BAZ2B: variants seen among roughly 807,000 people sequenced by gnomAD.
BAZ2B encodes the protein bromodomain adjacent to zinc finger domain 2B.
A neutral mutation model predicts 246.0 loss-of-function variants in BAZ2B; 91 were observed. That is an observed-to-expected ratio of 0.37 (90% CI 0.31 to 0.44). BAZ2B has a LOEUF of 0.44. Ranked by LOEUF, BAZ2B falls within the 20% of genes least tolerant of loss-of-function variation. BAZ2B has a pLI of 1.00. For missense variants in BAZ2B, 2,332 were observed against 2,533.7 expected (o/e 0.92, Z 1.71); for synonymous variants, 855 against 860.0 (o/e 0.99, Z 0.10).
chr2:159,402,724 C>T (rs1291183651), intron 16 of BAZ2B, among the ~76,000 whole-genome samples: 1 of 152,132 alleles, frequency 6.6e-6, no homozygotes, highest in Non-Finnish European at 1.5e-5. Flanking sequence ...GGCTTACGTA[C>T]ACAGTCTAAA....
At chr2:159,382,482 CATCT>C (rs1440693848) in intron 25 of BAZ2B, 73 bp downstream of exon 25, 11 of 1,407,714 alleles carry the variant, frequency 7.8e-6, no homozygotes, top group Middle Eastern at 1.9e-4. Flanking sequence ...AATCCGAATC[CATCT>C]GACTCCAAAT....
intron 1 of BAZ2B, among the ~76,000 whole-genome samples, chr2:159,578,377 C>T (rs958080813): frequency 2.0e-5 from 3 of 152,138 alleles, no homozygotes; most frequent in Non-Finnish European, 4.4e-5. Flanking sequence ...AAATTGTGCA[C>T]ACCCTTTGCC....
At position 159,491,720 on chromosome 2, in the gene BAZ2B, C is replaced by CAAAAAAAAAAAAAAA. The variant is rs773067675; in HGVS notation, c.-2-13014_-2-13000dup. ...CGGGCGACAGAGCGAGACTCCGTCT[C>CAAAAAAAAAAAAAAA]AAAAAAAAAAAAAAAAAAAAAAAAA... On this transcript the variant is annotated intron_variant, in intron 2 of 36. Transcript: ENST00000392783. 7.4e-3 allele frequency among the ~76,000 whole-genome samples: 219 copies of CAAAAAAAAAAAAAAA among 29,548 alleles called. 7 individuals are homozygous for CAAAAAAAAAAAAAAA. The highest frequency in any genetic ancestry group is 8.8e-3 in the Non-Finnish European group (172 of 19,458). The allele number at this position is 29,548 out of a possible 152,430, so 19.4% of individuals were successfully genotyped here.
chr2:159,421,938 C>T lies in BAZ2B; in HGVS notation c.2466+6003G>A, dbSNP rs577986660. Among the ~76,000 whole-genome samples the T allele has an allele frequency of 6.4e-4, 98 of 152,190 alleles. 1 individual carries two copies. The highest frequency in any genetic ancestry group is 1.3e-3 in the Non-Finnish European group (85 of 67,996). ...TACAAAAATCAATAACATTTCTATACGCCAATAGCATCCAAGCTGAGAGCC... is the reference window on the plus strand; with the variant it reads ...TACAAAAATCAATAACATTTCTATATGCCAATAGCATCCAAGCTGAGAGCC... On this transcript the variant is annotated intron_variant, in intron 13 of 36. Coordinates refer to ENST00000392783, the MANE Select transcript of BAZ2B (RefSeq NM_013450.4).
the BAZ2B span, among the ~76,000 whole-genome samples, chr2:159,677,241 TAAGA>T: frequency 1.3e-5 from 2 of 151,816 alleles, no homozygotes; most frequent in East Asian, 1.9e-4. Flanking sequence ...ATTTTAAAGA[TAAGA>T]AAGAGGAAAA....
intron 2 of BAZ2B, among the ~76,000 whole-genome samples, chr2:159,512,531 T>C (rs1274104049): frequency 2.6e-5 from 4 of 152,106 alleles, no homozygotes; most frequent in African/African-American, 9.7e-5. Flanking sequence ...GGAAAAGAAA[T>C]AAAGACGGTC....
At position 159,332,286 on chromosome 2, in the gene BAZ2B, A is replaced by T. The variant is rs183429241; in HGVS notation, c.5943+254T>A. The stretch of plus-strand genomic sequence containing the variant: ...GGAAGATTGCTTGAGGCCAGGGATG[A>T]GACCACTGCAGGCAACATAGCAAGA... On this transcript the variant is annotated intron_variant, in intron 34 of 36. Coordinates refer to ENST00000392783, the MANE Select transcript of BAZ2B (RefSeq NM_013450.4). Among the ~76,000 whole-genome samples, 695 of 151,300 alleles carry T rather than the reference A, an allele frequency of 4.6e-3. 4 individuals are homozygous for T. Among genetic ancestry groups the T allele is most frequent in the African/African-American group, 0.016 (668 of 41,204 alleles).
intron 2 of BAZ2B, among the ~76,000 whole-genome samples, chr2:159,487,634 G>A (rs1241677076): frequency 2.0e-5 from 3 of 152,092 alleles, no homozygotes; most frequent in African/African-American, 4.8e-5. Flanking sequence ...GACCTGTTGA[G>A]TCAATCACCT....
chr2:159,356,441 T>C (rs745724385), intron 27 of BAZ2B, among the ~76,000 whole-genome samples: 21 of 152,214 alleles, frequency 1.4e-4, no homozygotes, highest in South Asian at 4.1e-4. Context: ...CCTCTCTAGA[T>C]TTCTCCTCTC....
intron 3 of BAZ2B, chr2:159,461,149 T>TATGTGGAGATAGGCAGGAAGAC (rs1385761197): frequency 6.6e-6 from 1 of 152,346 alleles, no homozygotes; most frequent in Admixed American, 6.6e-5. Context: ...TTTTTACATG[T>TATGTGGAGATAGGCAGGAAGAC]ATGTGGAGAT....
At chr2:159,522,349 C>G (rs894173507) in intron 2 of BAZ2B, among the ~76,000 whole-genome samples, 8 of 152,142 alleles carry the variant, frequency 5.3e-5, no homozygotes, top group Admixed American at 6.5e-5. Flanking sequence ...ATTAGGTTTT[C>G]AATTCACCTG....
At chr2:159,318,667 A>G (rs1325787921), downstream of BAZ2B, among the ~76,000 whole-genome samples, 2 of 152,198 alleles carry the variant, frequency 1.3e-5, no homozygotes, top group African/African-American at 4.8e-5. Context: ...CTTCTTGACA[A>G]CTGAGTTATT....
intron 2 of BAZ2B, among the ~76,000 whole-genome samples, chr2:159,502,467 G>GAA (rs34450681): frequency 5.0e-4 from 69 of 137,686 alleles, no homozygotes; most frequent in Non-Finnish European, 9.0e-4. Flanking sequence ...TCTCAAAAAG[G>GAA]AAAAAAAAAA....
chr2:159,460,442 C>T (rs898579337), intron 3 of BAZ2B: 6 of 152,038 alleles, frequency 3.9e-5, no homozygotes, highest in African/African-American at 9.7e-5. Context: ...CATAACTTCA[C>T]GTTTTTCTGT....
chr2:159,589,274 A>G (rs568701319), intron 1 of BAZ2B, among the ~76,000 whole-genome samples: 1 of 152,292 alleles, frequency 6.6e-6, no homozygotes, highest in Non-Finnish European at 1.5e-5. Context: ...GCTCAGAATC[A>G]TAATTTATGG....
intron 1 of BAZ2B, among the ~76,000 whole-genome samples, chr2:159,603,243 AAAT>A (rs1275515037): frequency 6.6e-6 from 1 of 152,286 alleles, no homozygotes; most frequent in East Asian, 1.9e-4. Context: ...GATATAATCC[AAAT>A]AATTAAGAGC....
intron 3 of BAZ2B, among the ~76,000 whole-genome samples, chr2:159,468,119 G>A (rs1485638447): frequency 6.6e-6 from 1 of 152,158 alleles, no homozygotes; most frequent in African/African-American, 2.4e-5. Context: ...CAAACTAGCT[G>A]GCAGAGAATG....
chr2:159,667,594 T>C, the BAZ2B span, among the ~76,000 whole-genome samples: 1 of 131,360 alleles, frequency 7.6e-6, no homozygotes, highest in African/African-American at 3.0e-5. Context: ...TGACTCTGTC[T>C]CAAAAATAAA....
intron 3 of BAZ2B, chr2:159,463,903 AC>A (rs2076722248): frequency 1.3e-5 from 2 of 152,176 alleles, no homozygotes; most frequent in East Asian, 3.9e-4. Context: ...ATGGGGTTTC[AC>A]CATGTTGGCC....
Sources: allele counts gnomAD v4.1 joint callset (sites outside exome capture counted in the v4.1 genomes callset), GRCh38; gene constraint gnomAD v4.1.1; transcripts MANE v1.5; gene names NCBI Gene and HGNC (gene_info 2026-07-23, HGNC 2026-07-21).